The following TBC1D8 variants were observed in gnomAD, a reference collection of about 807,000 sequenced individuals.
The protein encoded by TBC1D8 is TBC1 domain family member 8.
In TBC1D8, 65 loss-of-function variants were observed where a neutral mutation model predicts 118.8. The ratio of observed to expected loss-of-function variants is 0.55; its 90% CI spans 0.45 to 0.67. The LOEUF (loss-of-function observed/expected upper bound fraction) is 0.67. Among genes scored for constraint, TBC1D8 ranks in the 30% least tolerant of loss-of-function variants. TBC1D8 has a pLI of 0.00. For synonymous variants in TBC1D8, 566 were observed against 595.8 expected (o/e 0.95, Z 0.73); for missense variants, 1,376 against 1,471.2 (o/e 0.94, Z 1.06).
intron 1 of TBC1D8, among the ~76,000 whole-genome samples, chr2:101,145,171 C>A (rs1036763635): frequency 9.2e-5 from 14 of 152,310 alleles, no homozygotes; most frequent in African/African-American, 3.4e-4. Context: ...CCTGGAGTGA[C>A]ACAGTCCGTG....
intron 9 of TBC1D8, among the ~76,000 whole-genome samples, chr2:101,035,489 G>A (rs1165320598): frequency 6.6e-6 from 1 of 152,162 alleles, no homozygotes; most frequent in Non-Finnish European, 1.5e-5. Flanking sequence ...GAAGCTAAAA[G>A]AGGCCATCCC....
At chr2:101,045,587 G>A (rs958938756) in intron 5 of TBC1D8, among the ~76,000 whole-genome samples, 2 of 152,224 alleles carry the variant, frequency 1.3e-5, no homozygotes, top group Admixed American at 6.5e-5. Flanking sequence ...CAGAAAGCCT[G>A]GAGCCATGGC....
intron 17 of TBC1D8, among the ~76,000 whole-genome samples, chr2:101,012,771 T>C (rs952549276): frequency 1.6e-4 from 25 of 152,248 alleles, no homozygotes; most frequent in Non-Finnish European, 2.9e-4. Flanking sequence ...TTGGAACTTA[T>C]TCGTAAACCA....
intron 1 of TBC1D8, among the ~76,000 whole-genome samples, chr2:101,139,088 AT>A (rs35049129): frequency 3.7e-4 from 55 of 149,622 alleles, no homozygotes; most frequent in African/African-American, 8.6e-4. Context: ...TCTTCCATGC[AT>A]TTTTTTTTTC....
chr2:101,118,676 G>A (rs572732439), intron 1 of TBC1D8, among the ~76,000 whole-genome samples: 248 of 130,020 alleles, frequency 1.9e-3, no homozygotes, highest in Admixed American at 3.2e-3. Context: ...CAGTCTGGGC[G>A]ACAGAATGAA....
intron 17 of TBC1D8, among the ~76,000 whole-genome samples, chr2:101,020,701 T>C (rs1352477786): frequency 2.0e-5 from 3 of 152,162 alleles, no homozygotes; most frequent in Admixed American, 1.3e-4. Context: ...AATGTCCAGG[T>C]GCATCTTCAA....
chr2:101,069,482 A>G (rs529240506), intron 2 of TBC1D8, among the ~76,000 whole-genome samples: 1 of 152,232 alleles, frequency 6.6e-6, no homozygotes, highest in South Asian at 2.1e-4. Context: ...GCTACTCAGG[A>G]GGCTGAGGCA....
At chr2:101,019,199 A>G in intron 17 of TBC1D8, 1 of 876,826 alleles carries the variant, frequency 1.1e-6, no homozygotes, top group Non-Finnish European at 1.7e-6. Context: ...GGTTTCAACA[A>G]GGTACTGATG....
chr2:101,109,544 C>T (rs1349177354), intron 1 of TBC1D8, among the ~76,000 whole-genome samples: 1 of 152,112 alleles, frequency 6.6e-6, no homozygotes, highest in African/African-American at 2.4e-5. Context: ...TTAGTCCGTC[C>T]TTTTATAAGG....
intron 2 of TBC1D8, among the ~76,000 whole-genome samples, chr2:101,088,436 C>G (rs1675786397): frequency 6.6e-6 from 1 of 152,022 alleles, no homozygotes; most frequent in South Asian, 2.1e-4. Context: ...TATAGGCACC[C>G]ACCAACATGC....
chr2:101,100,535 A>G (rs1258725556), intron 1 of TBC1D8, among the ~76,000 whole-genome samples: 2 of 152,250 alleles, frequency 1.3e-5, no homozygotes, highest in Non-Finnish European at 2.9e-5. Flanking sequence ...ATGGAATCAA[A>G]GAAGACCCCA....
chr2:101,102,126 C>A (rs529554777), intron 1 of TBC1D8, among the ~76,000 whole-genome samples: 1 of 152,170 alleles, frequency 6.6e-6, no homozygotes, highest in Admixed American at 6.5e-5. Flanking sequence ...AAAACACTTA[C>A]AAACATAGTA....
At chr2:101,142,448 C>CT (rs1462427226) in intron 1 of TBC1D8, among the ~76,000 whole-genome samples, 9 of 152,034 alleles carry the variant, frequency 5.9e-5, no homozygotes, top group African/African-American at 2.2e-4. Flanking sequence ...GAAATGTATA[C>CT]CTGTGTGAAC....
chr2:101,058,851 C>T (rs1221648617), intron 3 of TBC1D8, among the ~76,000 whole-genome samples: 1 of 151,650 alleles, frequency 6.6e-6, no homozygotes, highest in East Asian at 1.9e-4. Flanking sequence ...AAAAAAAGGC[C>T]TTCACTCCTG....
At chr2:101,141,694 A>G (rs1428809178) in intron 1 of TBC1D8, among the ~76,000 whole-genome samples, 2 of 152,158 alleles carry the variant, frequency 1.3e-5, no homozygotes, top group African/African-American at 4.8e-5. Context: ...GACTGCATGA[A>G]AATTAACAAT....
intron 1 of TBC1D8, among the ~76,000 whole-genome samples, chr2:101,112,724 C>T (rs969672208): frequency 6.6e-6 from 1 of 152,194 alleles, no homozygotes; most frequent in Admixed American, 6.5e-5. Context: ...TTGTGTAACC[C>T]GCCCTTACCT....
intron 1 of TBC1D8, among the ~76,000 whole-genome samples, chr2:101,109,300 C>G (rs112702180): frequency 1.3e-5 from 2 of 152,030 alleles, no homozygotes; most frequent in African/African-American, 4.8e-5. Flanking sequence ...GGGGAAGATA[C>G]GGGTGAGAAA....
rs553478899 is a variant in TBC1D8, at chr2:101,097,735, G to T, written c.128-7371C>A. Among the ~76,000 whole-genome samples the T allele has an allele frequency of 9.1e-4, 139 of 152,138 alleles. 1 individual carries two copies. Among genetic ancestry groups the T allele is most frequent in the African/African-American group, 3.3e-3 (136 of 41,510 alleles). On this transcript the variant is annotated intron_variant, in intron 1 of 19. Coordinates refer to ENST00000409318, the MANE Select transcript of TBC1D8 (RefSeq NM_001330348.2). ...ATGTAAAAATTAGCCAGGCATAATT[G>T]CATGCACCTGCAGTCCCAGCTACTT... is the stretch of plus-strand genomic sequence containing the variant.
chr2:101,090,509 A>G (rs892689385), intron 1 of TBC1D8, 145 bp from the exon 2 acceptor site: 2 of 870,894 alleles, frequency 2.3e-6, no homozygotes, highest in Non-Finnish European at 3.5e-6. Flanking sequence ...CACCTCACAA[A>G]GCCTGAGCTC....
Sources: allele counts gnomAD v4.1 joint callset (sites outside exome capture counted in the v4.1 genomes callset), GRCh38; gene constraint gnomAD v4.1.1; transcripts MANE v1.5; gene names NCBI Gene and HGNC (gene_info 2026-07-23, HGNC 2026-07-21).